SOX6: variants seen among roughly 807,000 people sequenced by gnomAD.
SOX6 encodes the protein SRY-box transcription factor 6.
A neutral mutation model predicts 97.8 loss-of-function variants in SOX6; 11 were observed. The ratio of observed to expected loss-of-function variants is 0.11; its 90% CI spans 0.07 to 0.19. The LOEUF (loss-of-function observed/expected upper bound fraction) is 0.19, where lower values mean the gene tolerates loss of function less well. SOX6 is among the 10% of genes least tolerant of loss of function. The pLI is 1.00. For synonymous variants in SOX6, 360 were observed against 371.4 expected (o/e 0.97, Z 0.35); for missense variants, 810 against 1,039.5 (o/e 0.78, Z 3.04).
chr11:16,227,512 C>G (rs1852721107), intron 4 of SOX6, among the ~76,000 whole-genome samples: 1 of 152,026 alleles, frequency 6.6e-6, no homozygotes, highest in South Asian at 2.1e-4. Flanking sequence ...CAGTCTCAAC[C>G]TCCTGGGGTC....
At chr11:16,468,929 T>G (rs900676335) in intron 1 of SOX6, among the ~76,000 whole-genome samples, 8 of 152,162 alleles carry the variant, frequency 5.3e-5, no homozygotes, top group Non-Finnish European at 1.0e-4. Flanking sequence ...TTTGAAATTT[T>G]GAAAATGTTC....
chr11:16,092,459 A>G (rs1416931049), intron 9 of SOX6, among the ~76,000 whole-genome samples: 1 of 151,954 alleles, frequency 6.6e-6, no homozygotes, highest in African/African-American at 2.4e-5. Flanking sequence ...CTGAGATAGT[A>G]TAGTAGGAAT....
chr11:16,479,285 T>G (rs1043746311), upstream of SOX6, among the ~76,000 whole-genome samples: 1 of 152,070 alleles, frequency 6.6e-6, no homozygotes, highest in African/African-American at 2.4e-5. Flanking sequence ...ATCCCAACAC[T>G]TTGGGAGGCT....
At chr11:16,183,076 A>G (rs1349985) in intron 6 of SOX6, among the ~76,000 whole-genome samples, 87,128 of 151,594 alleles carry the variant, frequency 0.57, 25,800 homozygotes, top group East Asian at 0.75. Flanking sequence ...CAGTGTTTCT[A>G]AGGATTAGTC....
At chr11:16,353,083 T>C (rs1191082647) in intron 1 of SOX6, among the ~76,000 whole-genome samples, 1 of 152,044 alleles carries the variant, frequency 6.6e-6, no homozygotes, top group Non-Finnish European at 1.5e-5. Flanking sequence ...ACACAGACAA[T>C]TATGAAATAA....
intron 12 of SOX6, among the ~76,000 whole-genome samples, chr11:16,036,978 C>T (rs576465685): frequency 6.6e-6 from 1 of 152,148 alleles, no homozygotes; most frequent in Admixed American, 6.5e-5. Flanking sequence ...TAAACTGAAC[C>T]CAACTTTAAA....
chr11:16,458,652 T>A (rs1859858954), intron 1 of SOX6, among the ~76,000 whole-genome samples: 1 of 152,056 alleles, frequency 6.6e-6, no homozygotes, highest in African/African-American at 2.4e-5. Context: ...TATGTAACAT[T>A]CCTCACATTT....
At chr11:16,029,214 G>C (rs899333711) in intron 12 of SOX6, among the ~76,000 whole-genome samples, 2 of 152,138 alleles carry the variant, frequency 1.3e-5, no homozygotes, top group African/African-American at 2.4e-5. Context: ...CTAGGACATG[G>C]GCTCAATAAA....
chr11:16,111,249 A>G (rs896823901), intron 7 of SOX6, among the ~76,000 whole-genome samples: 4 of 152,202 alleles, frequency 2.6e-5, no homozygotes, highest in Non-Finnish European at 5.9e-5. Context: ...CTTAAAACAT[A>G]TTTCACTGCA....
chr11:16,000,988 C>G (rs999076495), intron 13 of SOX6, among the ~76,000 whole-genome samples: 1 of 152,062 alleles, frequency 6.6e-6, no homozygotes, highest in African/African-American at 2.4e-5. Context: ...TCCCGAGTAA[C>G]TGGAATTACA....
At chr11:16,449,213 C>T (rs1024253524) in intron 1 of SOX6, among the ~76,000 whole-genome samples, 1 of 146,756 alleles carries the variant, frequency 6.8e-6, no homozygotes, top group African/African-American at 2.6e-5. Context: ...GCATGTTGAA[C>T]GAGCAGAAGT....
At chr11:16,641,953 T>C (rs1300796822) in intron 3 of SOX6, among the ~76,000 whole-genome samples, 1 of 152,210 alleles carries the variant, frequency 6.6e-6, no homozygotes, top group Non-Finnish European at 1.5e-5. Context: ...GACATTATGA[T>C]GTTAGCTGGT....
intron 1 of SOX6, chr11:16,402,722 G>T: frequency 2.5e-6 from 4 of 1,610,112 alleles, no homozygotes; most frequent in Non-Finnish European, 3.4e-6. Context: ...GTAGGTATTT[G>T]TTCCATCACC....
At chr11:16,618,965 C>CTA (rs1264089517) in intron 3 of SOX6, among the ~76,000 whole-genome samples, 1 of 152,016 alleles carries the variant, frequency 6.6e-6, no homozygotes, top group African/African-American at 2.4e-5. Context: ...AACTCTATAA[C>CTA]TACAGCATAA....
intron 3 of SOX6, among the ~76,000 whole-genome samples, chr11:16,682,347 T>C (rs1259778269): frequency 6.6e-6 from 1 of 152,100 alleles, no homozygotes; most frequent in Non-Finnish European, 1.5e-5. Context: ...AAATAAATAC[T>C]GGCAAACCAA....
At chr11:16,631,258 T>C (rs989210943) in intron 3 of SOX6, among the ~76,000 whole-genome samples, 4 of 151,268 alleles carry the variant, frequency 2.6e-5, no homozygotes, top group Non-Finnish European at 5.9e-5. Flanking sequence ...CCCTTAAGGA[T>C]CTCCCGTAAG....
In SOX6 at chr11:16,653,730, C is replaced by G. The variant is rs138409686; in HGVS notation, n.430-41470G>C. On this transcript the variant is annotated intron_variant and non_coding_transcript_variant, in intron 3 of 5. Coordinates refer to the SOX6 transcript ENST00000524520. ...CAGAAATTACCAGTAAGTAACTTAT[C>G]CATGTAACAAAAAGGCATGTTCCCC... Among the ~76,000 whole-genome samples, 8 of 152,060 alleles carry G rather than the reference C, an allele frequency of 5.3e-5. No individual in the cohort carries two copies. In the East Asian group the frequency reaches 1.5e-3, roughly 29 times the overall value.
chr11:16,624,179 T>A (rs373438758), intron 3 of SOX6, among the ~76,000 whole-genome samples: 19 of 65,332 alleles, frequency 2.9e-4, no homozygotes, highest in Non-Finnish European at 5.4e-4. Flanking sequence ...ATTTTTATTT[T>A]TTTATTTTAT....
At chr11:16,269,445 C>A (rs1468626198) in intron 3 of SOX6, among the ~76,000 whole-genome samples, 2 of 150,578 alleles carry the variant, frequency 1.3e-5, no homozygotes, top group Non-Finnish European at 3.0e-5. Flanking sequence ...ACTTGACTAG[C>A]CTCATCATAA....
Sources: allele counts gnomAD v4.1 joint callset (sites outside exome capture counted in the v4.1 genomes callset), GRCh38; gene constraint gnomAD v4.1.1; transcripts MANE v1.5; gene names NCBI Gene and HGNC (gene_info 2026-07-23, HGNC 2026-07-21).